Variants in CNBD1 observed in about 807,000 individuals in gnomAD.
CNBD1 encodes cyclic nucleotide-binding domain-containing protein 1.
CNBD1 carries 71 observed loss-of-function variants against 54.4 expected under a neutral mutation model. The observed-to-expected ratio is 1.30, with a 90% confidence interval of 1.08 to 1.59. The LOEUF (loss-of-function observed/expected upper bound fraction) is 1.59, where lower values mean the gene tolerates loss of function less well. Ranked by LOEUF, CNBD1 falls within the 40% of genes most tolerant of loss-of-function variation. The pLI, the probability that CNBD1 is intolerant of heterozygous loss-of-function variation, is 0.00. For synonymous variants in CNBD1, 182 were observed against 170.7 expected (o/e 1.07, Z -0.51); for missense variants, 659 against 518.0 (o/e 1.27, Z -2.64).
chr8:87,411,466 T>C (rs1295240420), intron 2 of CNBD1, among the ~76,000 whole-genome samples: 1 of 144,290 alleles, frequency 6.9e-6, no homozygotes, highest in Non-Finnish European at 1.5e-5. Flanking sequence ...TTCTACATTA[T>C]CCTCCAAACA....
chr8:87,334,284 A>T (rs181238706), intron 8 of CNBD1, among the ~76,000 whole-genome samples: 18 of 151,508 alleles, frequency 1.2e-4, no homozygotes, highest in African/African-American at 4.4e-4. Context: ...CTTCTTTATT[A>T]GTCTAGCTAG....
chr8:86,907,982 C>G lies in CNBD1; in HGVS notation c.272+2788C>G, dbSNP rs554759747. On this transcript the variant is annotated intron_variant, in intron 3 of 10. Coordinates refer to ENST00000518476, the MANE Select transcript of CNBD1 (RefSeq NM_173538.3). ...TGTTATCATTGTCATATATTTAACA[C>G]TGTAATTCATTTAACACAAATATTA... Among the ~76,000 whole-genome samples the G allele has an allele frequency of 3.3e-5, 5 of 152,302 alleles. No individual in the cohort carries two copies. In the South Asian group the frequency reaches 6.2e-4, roughly 19 times the overall value.
At chr8:87,387,843 C>T (rs1289576423), downstream of CNBD1, among the ~76,000 whole-genome samples, 2 of 152,096 alleles carry the variant, frequency 1.3e-5, no homozygotes, top group African/African-American at 2.4e-5. Context: ...CAAAATTGAC[C>T]ACATAGTTGG....
chr8:87,267,700 T>G (rs1363757530), intron 6 of CNBD1, among the ~76,000 whole-genome samples: 1 of 152,192 alleles, frequency 6.6e-6, no homozygotes, highest in East Asian at 1.9e-4. Context: ...TGGACTACAT[T>G]AAACATTAAC....
At chr8:87,345,842 T>A (rs1462799515) in intron 8 of CNBD1, among the ~76,000 whole-genome samples, 1 of 152,098 alleles carries the variant, frequency 6.6e-6, no homozygotes, top group African/African-American at 2.4e-5. Flanking sequence ...ATTAAGTCTG[T>A]TGACTACTGA....
intron 4 of CNBD1, among the ~76,000 whole-genome samples, chr8:87,075,474 C>T (rs1040693725): frequency 5.9e-5 from 9 of 152,230 alleles, no homozygotes; most frequent in Non-Finnish European, 1.0e-4. Context: ...CTGATTACCA[C>T]ATCCAGACAG....
intron 4 of CNBD1, among the ~76,000 whole-genome samples, chr8:87,109,037 TGAGA>T (rs1268889194): frequency 6.6e-6 from 1 of 152,188 alleles, no homozygotes; most frequent in Non-Finnish European, 1.5e-5. Flanking sequence ...TTTAACTGAC[TGAGA>T]AAGTTAATAT....
intron 4 of CNBD1, among the ~76,000 whole-genome samples, chr8:87,157,575 C>A (rs1812771986): frequency 6.6e-6 from 1 of 152,108 alleles, no homozygotes; most frequent in Non-Finnish European, 1.5e-5. Context: ...ATAAGCTTGG[C>A]AGATATAAAA....
intron 8 of CNBD1, among the ~76,000 whole-genome samples, chr8:87,288,303 G>A (rs926557026): frequency 6.6e-6 from 1 of 151,786 alleles, no homozygotes; most frequent in African/African-American, 2.4e-5. Context: ...TTTTGGATTT[G>A]TCATGGTTTT....
intron 4 of CNBD1, among the ~76,000 whole-genome samples, chr8:87,129,352 T>C (rs1812069766): frequency 6.6e-6 from 1 of 152,114 alleles, no homozygotes; most frequent in South Asian, 2.1e-4. Flanking sequence ...TATATATCTA[T>C]GTGTATCTAT....
At chr8:87,402,730 CA>C (rs1159909287) in intron 2 of CNBD1, among the ~76,000 whole-genome samples, 2 of 152,008 alleles carry the variant, frequency 1.3e-5, no homozygotes, top group African/African-American at 4.8e-5. Flanking sequence ...ATTTTAAATC[CA>C]GTGCCATTAA....
intron 6 of CNBD1, among the ~76,000 whole-genome samples, chr8:87,277,461 T>C (rs1808507767): frequency 6.6e-6 from 1 of 151,752 alleles, no homozygotes; most frequent in Non-Finnish European, 1.5e-5. Flanking sequence ...TGACCAAATA[T>C]TTGGACACTC....
intron 8 of CNBD1, among the ~76,000 whole-genome samples, chr8:87,301,809 A>G (rs1045250221): frequency 6.6e-6 from 1 of 152,216 alleles, no homozygotes; most frequent in African/African-American, 2.4e-5. Context: ...AGGGGATATC[A>G]CCACCAATCC....
At chr8:86,979,673 C>T (rs1002019647) in intron 4 of CNBD1, among the ~76,000 whole-genome samples, 1 of 151,984 alleles carries the variant, frequency 6.6e-6, no homozygotes, top group Non-Finnish European at 1.5e-5. Flanking sequence ...ATATTACAGA[C>T]AAATTAGCTG....
intron 4 of CNBD1, among the ~76,000 whole-genome samples, chr8:87,192,388 C>T (rs1225269705): frequency 2.6e-5 from 4 of 151,988 alleles, no homozygotes; most frequent in Non-Finnish European, 2.9e-5. Context: ...CTCAATTAGC[C>T]CCAATAACTC....
At chr8:87,358,857 G>T (rs909381856) in intron 10 of CNBD1, among the ~76,000 whole-genome samples, 1 of 152,128 alleles carries the variant, frequency 6.6e-6, no homozygotes, top group African/African-American at 2.4e-5. Flanking sequence ...TGGTATTCAA[G>T]AACTGGGAAA....
rs182778288 is a variant in CNBD1 at position 87,351,789 on chromosome 8, A to G, written c.1147A>G (p.Lys383Glu). The G allele has an allele frequency of 8.9e-4, 1,331 of 1,492,746 alleles. 15 individuals are homozygous for G. Among genetic ancestry groups the G allele is most frequent in the East Asian group, 2.6e-3 (98 of 38,290 alleles). The allele number at this position is 1,492,746 out of a possible 1,614,324, so 92.5% of individuals were successfully genotyped here. A position where few individuals can be genotyped will look rare whatever the true frequency, so the allele number is the denominator to read the frequency against. ...AGGATTTGTGAAACTACGATCAAAT[A>G]AAGTGGTAAGTTTTCAACATGTATT... ...IIGFVKLRSN[K>E]VKRSQKLVYM... The change falls in exon 9 of 11, where the codon AAA becomes GAA. Residue 383 changes from lysine to glutamate, a missense_variant. Physicochemically the swap from Lys to Glu is moderately conservative, Grantham distance 56. Coordinates refer to ENST00000518476, the MANE Select transcript of CNBD1 (RefSeq NM_173538.3).
At position 87,389,135 on chromosome 8, in the gene CNBD1, G is replaced by A. The variant is rs1200932939; in HGVS notation, c.213+35349G>A. On this transcript the variant is annotated intron_variant, in intron 2 of 7. Coordinates refer to the CNBD1 transcript ENST00000521593. ...AAGAGCTATTTATGACAAACCCACAGCCAATATCATCCTGAATGGGCAAAA... is the reference window on the plus strand; with the variant it reads ...AAGAGCTATTTATGACAAACCCACAACCAATATCATCCTGAATGGGCAAAA... Among the ~76,000 whole-genome samples, 4 of 152,228 alleles carry A rather than the reference G, an allele frequency of 2.6e-5. No individual in the cohort carries two copies. The East Asian group carries it at 7.7e-4, about 29-fold the overall frequency.
At chr8:87,349,397 G>A (rs1935705953) in intron 8 of CNBD1, among the ~76,000 whole-genome samples, 1 of 151,378 alleles carries the variant, frequency 6.6e-6, no homozygotes, top group Non-Finnish European at 1.5e-5. Flanking sequence ...TTTTTTTGAG[G>A]CGGAGTCTCA....
Sources: allele counts gnomAD v4.1 joint callset (sites outside exome capture counted in the v4.1 genomes callset), GRCh38; gene constraint gnomAD v4.1.1; transcripts MANE v1.5; gene names NCBI Gene and HGNC (gene_info 2026-07-23, HGNC 2026-07-21).